The following PDS5B variants were observed in gnomAD, a reference collection of about 807,000 sequenced individuals.
PDS5B encodes sister chromatid cohesion protein PDS5 homolog B.
PDS5B carries 51 observed loss-of-function variants against 184.1 expected under a neutral mutation model. That is an observed-to-expected ratio of 0.28 (90% CI 0.22 to 0.35). The LOEUF (loss-of-function observed/expected upper bound fraction) is 0.35, where lower values mean the gene tolerates loss of function less well. Among genes scored for constraint, PDS5B ranks in the 10% least tolerant of loss-of-function variants. The probability of loss-of-function intolerance (pLI) is 1.00; values close to 1 mark genes in which losing one functional copy is unlikely to be tolerated. For synonymous variants in PDS5B, 566 were observed against 569.2 expected (o/e 0.99, Z 0.08); for missense variants, 1,180 against 1,723.3 (o/e 0.68, Z 5.58).
At chr13:32,634,583 C>CTTTT (rs34358183) in intron 1 of PDS5B, among the ~76,000 whole-genome samples, 2 of 138,552 alleles carry the variant, frequency 1.4e-5, no homozygotes, top group African/African-American at 2.7e-5. Context: ...TTACATTTAA[C>CTTTT]TTTTTTTTTT....
In PDS5B at chr13:32,678,893, C is replaced by G. The variant is rs781685062; in HGVS notation, c.1021C>G (p.Leu341Val). The change falls in exon 10 of 35, where the codon CTC becomes GTC. Residue 341 changes from leucine (L) to valine (V), a missense_variant. Physicochemically the swap from Leu to Val is conservative, Grantham distance 32 (BLOSUM62 1). Around this residue, in one of 11 missense-constraint regions of PDS5B, gnomAD observed 475 missense variants for 691.5 expected, o/e 0.69. Coordinates refer to ENST00000315596, the MANE Select transcript of PDS5B (RefSeq NM_015032.4). Reference sequence around the variant, plus strand: ...ATGTGTGAAATTTGCTAGCCATTGTCTCATGAACCATCCTGATTTAGCAAA... The same window carrying G: ...ATGTGTGAAATTTGCTAGCCATTGTGTCATGAACCATCCTGATTTAGCAAA... ...LECVKFASHCLMNHPDLAKDL... is the reference protein window; with the variant it reads ...LECVKFASHCVMNHPDLAKDL... The G allele has an allele frequency of 6.2e-7, 1 of 1,605,962 alleles. No homozygotes were observed. The highest frequency in any genetic ancestry group is 1.1e-5 in the South Asian group (1 of 90,884).
At chr13:32,716,624 C>G (rs1167522582) in intron 19 of PDS5B, among the ~76,000 whole-genome samples, 2 of 143,482 alleles carry the variant, frequency 1.4e-5, no homozygotes, top group Admixed American at 1.4e-4. Flanking sequence ...GTGGGGGGGT[C>G]AGCCCCCCGC....
In PDS5B at chr13:32,765,957, G is replaced by A. The variant is rs575176559; in HGVS notation, c.3624+1363G>A. Reference sequence around the variant, plus strand: ...TCTAACTATGTATACTGTAAGTTACGATGTTTATTGGCTGTTTAAAATTTT... The same window carrying A: ...TCTAACTATGTATACTGTAAGTTACAATGTTTATTGGCTGTTTAAAATTTT... On this transcript the variant is annotated intron_variant, in intron 31 of 34. Transcript: ENST00000315596. 6.9e-4 allele frequency among the ~76,000 whole-genome samples: 105 copies of A among 152,272 alleles called. No homozygotes were observed. The Middle Eastern group carries it at 0.014, about 20-fold the overall frequency.
In PDS5B at chr13:32,620,090, C is replaced by T. The variant is rs180717332; in HGVS notation, c.-19-28664C>T. On this transcript the variant is annotated intron_variant, in intron 1 of 34. Coordinates refer to ENST00000315596, the MANE Select transcript of PDS5B (RefSeq NM_015032.4). ...CTAGGATTACAGTCATGAGCCAATGCACCCGGCCCTGGTTAGATTTTTAAA... is the reference window on the plus strand; with the variant it reads ...CTAGGATTACAGTCATGAGCCAATGTACCCGGCCCTGGTTAGATTTTTAAA... Among the ~76,000 whole-genome samples the T allele has an allele frequency of 3.3e-5, 5 of 152,262 alleles. No individual in the cohort carries two copies. In the East Asian group the frequency reaches 9.7e-4, roughly 29 times the overall value.
intron 7 of PDS5B, among the ~76,000 whole-genome samples, chr13:32,668,196 C>G (rs1256076546): frequency 6.6e-6 from 1 of 152,082 alleles, no homozygotes; most frequent in Non-Finnish European, 1.5e-5. Context: ...ACGTTGCTTA[C>G]AGGTTTTTGG....
At chr13:32,717,096 G>A (rs1249343032) in intron 19 of PDS5B, among the ~76,000 whole-genome samples, 11 of 131,822 alleles carry the variant, frequency 8.3e-5, no homozygotes, top group Admixed American at 2.2e-4. Context: ...CCGGCCAGCC[G>A]CCCCGTCCGG....
intron 33 of PDS5B, 116 bp from the exon 34 acceptor site, chr13:32,773,073 A>G: frequency 1.3e-6 from 1 of 794,894 alleles, no homozygotes; most frequent in East Asian, 2.7e-5. Context: ...CTTGTCTCAT[A>G]AAGTAACTGA....
chr13:32,631,585 A>T (rs571949535), intron 1 of PDS5B, among the ~76,000 whole-genome samples: 1 of 152,286 alleles, frequency 6.6e-6, no homozygotes, highest in East Asian at 1.9e-4. Flanking sequence ...AGAATGAATG[A>T]TCTGAGTCTG....
chr13:32,675,946 T>C lies in PDS5B; in HGVS notation c.949T>C (p.Cys317Arg). The change falls in exon 9 of 35, where the codon TGC becomes CGC. Residue 317 changes from cysteine to arginine, a missense_variant. Coordinates refer to ENST00000315596, the MANE Select transcript of PDS5B (RefSeq NM_015032.4). ...LASQNKPLWQ[C>R]YLGRFNDIHV... ...TTCTCAAAACAAGCCACTTTGGCAG[T>C]GCTACTTGGGCAGGTATATGATTTT... The C allele has an allele frequency of 1.2e-6, 2 of 1,609,132 alleles. No individual in the cohort carries two copies. Among genetic ancestry groups the C allele is most frequent in the Admixed American group, 1.7e-5 (1 of 60,004 alleles).
Position 32,624,868 on chromosome 13 carries a change from A to G in PDS5B, c.-19-23886A>G, listed in dbSNP as rs115964458. Among the ~76,000 whole-genome samples, 1,286 of 152,288 alleles carry G rather than the reference A, an allele frequency of 8.4e-3. 21 individuals are homozygous for G. Among genetic ancestry groups the G allele is most frequent in the African/African-American group, 0.03 (1,242 of 41,550 alleles). On this transcript the variant is annotated intron_variant, in intron 1 of 34. Transcript: ENST00000315596. ...TTTGCCCTTTTGCATCTCCAAGTGC[A>G]TACTACTTACTGTTCAGGTTTCAAT...
At chr13:32,591,885 T>G (rs998542869) in intron 1 of PDS5B, among the ~76,000 whole-genome samples, 5 of 152,160 alleles carry the variant, frequency 3.3e-5, no homozygotes, top group South Asian at 2.1e-4. Flanking sequence ...GGAAAAATAT[T>G]TTGGGGCTCA....
intron 23 of PDS5B, among the ~76,000 whole-genome samples, chr13:32,744,768 C>T (rs1000330694): frequency 6.6e-6 from 1 of 152,136 alleles, no homozygotes; most frequent in Non-Finnish European, 1.5e-5. Flanking sequence ...CGAAGTCCTA[C>T]AACTTTAGAA....
chr13:32,630,003 T>C (rs910142357), intron 1 of PDS5B, among the ~76,000 whole-genome samples: 1 of 152,222 alleles, frequency 6.6e-6, no homozygotes, highest in Non-Finnish European at 1.5e-5. Context: ...CCAATTGCAT[T>C]CAACTAACTG....
intron 1 of PDS5B, among the ~76,000 whole-genome samples, chr13:32,645,495 T>C (rs1319611838): frequency 1.3e-5 from 2 of 152,246 alleles, no homozygotes; most frequent in Non-Finnish European, 2.9e-5. Context: ...ATTTTGTTTC[T>C]TAATCATTTT....
chr13:32,743,759 C>A (rs1416156657), intron 23 of PDS5B, among the ~76,000 whole-genome samples: 1 of 151,996 alleles, frequency 6.6e-6, no homozygotes, highest in Admixed American at 6.6e-5. Context: ...GTAAGCTATT[C>A]ATTCTGTATC....
chr13:32,638,139 T>C (rs1566271024), intron 1 of PDS5B, among the ~76,000 whole-genome samples: 1 of 152,192 alleles, frequency 6.6e-6, no homozygotes, highest in Admixed American at 6.5e-5. Context: ...TCCACTGGGA[T>C]AGCTTGGACT....
intron 1 of PDS5B, among the ~76,000 whole-genome samples, chr13:32,628,294 C>T (rs879542504): frequency 7.9e-5 from 12 of 152,096 alleles, no homozygotes; most frequent in Admixed American, 2.6e-4. Flanking sequence ...TGGTGACTCA[C>T]GCCTGTAATC....
chr13:32,741,699 C>CTGTGTGTGTGTGTGTG (rs3050179), intron 22 of PDS5B, among the ~76,000 whole-genome samples: 138 of 139,262 alleles, frequency 9.9e-4, no homozygotes, highest in African/African-American at 1.7e-3. Flanking sequence ...CCCTTTCAGT[C>CTGTGTGTGTGTGTGTG]TGTGTGTGTG....
intron 1 of PDS5B, among the ~76,000 whole-genome samples, chr13:32,609,951 A>C (rs1052801200): frequency 2.0e-5 from 3 of 152,220 alleles, no homozygotes; most frequent in Admixed American, 6.5e-5. Flanking sequence ...AATGGCAATA[A>C]AATTTAATAG....
Sources: gnomAD v4.1 joint callset for allele counts (sites outside exome capture counted in the v4.1 genomes callset) on GRCh38, gnomAD v4.1.1 for gene constraint, gnomAD v4.1.1 regional missense constraint, MANE v1.5 for transcripts, NCBI Gene and HGNC (gene_info 2026-07-23, HGNC 2026-07-21) for gene names.